CACNA2D1: variants seen among roughly 807,000 people sequenced by gnomAD.
The protein encoded by CACNA2D1 is voltage-dependent calcium channel subunit alpha-2/delta-1.
CACNA2D1 carries 53 observed loss-of-function variants against 171.5 expected under a neutral mutation model. The ratio of observed to expected loss-of-function variants is 0.31; its 90% CI spans 0.25 to 0.39. CACNA2D1 has a LOEUF of 0.39. Among genes scored for constraint, CACNA2D1 ranks in the 10% least tolerant of loss-of-function variants. The pLI is 1.00. For missense variants in CACNA2D1, 903 were observed against 1,299.8 expected (o/e 0.69, Z 4.69); for synonymous variants, 442 against 443.1 (o/e 1.00, Z 0.03).
At chr7:82,068,366 C>T (rs376317964) in intron 7 of CACNA2D1, among the ~76,000 whole-genome samples, 62 of 152,246 alleles carry the variant, frequency 4.1e-4, no homozygotes, top group African/African-American at 1.5e-3. Flanking sequence ...GACTTCTCCA[C>T]CTTGGTGGGC....
At chr7:81,970,110 A>G (rs1367490280) in intron 27 of CACNA2D1, 126 bp from the exon 28 acceptor site, 2 of 697,284 alleles carry the variant, frequency 2.9e-6, no homozygotes. Context: ...AGTTAGTGGT[A>G]ATTGATAGCA....
At chr7:82,090,784 G>C (rs1253714933) in intron 6 of CACNA2D1, among the ~76,000 whole-genome samples, 1 of 151,762 alleles carries the variant, frequency 6.6e-6, no homozygotes, top group Non-Finnish European at 1.5e-5. Flanking sequence ...TTTAATTTTT[G>C]GACAATCATA....
intron 3 of CACNA2D1, among the ~76,000 whole-genome samples, chr7:82,313,262 T>C (rs536462675): frequency 1.5e-3 from 232 of 152,246 alleles, no homozygotes; most frequent in Middle Eastern, 3.4e-3. Flanking sequence ...AGTGGGAGAC[T>C]AAAGGAAACC....
chr7:82,131,436 C>A (rs560482673), intron 5 of CACNA2D1, among the ~76,000 whole-genome samples: 1 of 152,264 alleles, frequency 6.6e-6, no homozygotes, highest in African/African-American at 2.4e-5. Flanking sequence ...TAAATACTGC[C>A]TGGCCATGTT....
intron 2 of CACNA2D1, among the ~76,000 whole-genome samples, chr7:82,347,353 A>C (rs921596356): frequency 1.3e-5 from 2 of 152,168 alleles, no homozygotes; most frequent in African/African-American, 4.8e-5. Flanking sequence ...ATCACCAAAA[A>C]TATATTACTT....
At chr7:82,360,600 T>C (rs1820985470) in intron 1 of CACNA2D1, among the ~76,000 whole-genome samples, 1 of 152,162 alleles carries the variant, frequency 6.6e-6, no homozygotes, top group Non-Finnish European at 1.5e-5. Flanking sequence ...TGACATACAA[T>C]AGCAGGTTAG....
At chr7:82,195,305 T>C (rs1180175534) in intron 3 of CACNA2D1, among the ~76,000 whole-genome samples, 1 of 151,874 alleles carries the variant, frequency 6.6e-6, no homozygotes, top group African/African-American at 2.4e-5. Flanking sequence ...AGGTAACACT[T>C]CATGTAAAAT....
At chr7:82,143,301 A>T (rs967261812) in intron 4 of CACNA2D1, among the ~76,000 whole-genome samples, 10 of 152,182 alleles carry the variant, frequency 6.6e-5, no homozygotes, top group Admixed American at 3.3e-4. Flanking sequence ...AGAGACAATA[A>T]GATAATTGAT....
At chr7:82,070,169 A>G (rs1293038110) in intron 7 of CACNA2D1, among the ~76,000 whole-genome samples, 1 of 152,182 alleles carries the variant, frequency 6.6e-6, no homozygotes, top group African/African-American at 2.4e-5. Flanking sequence ...AATTTGCACC[A>G]TGGCTCCAAT....
intron 1 of CACNA2D1, among the ~76,000 whole-genome samples, chr7:82,417,360 C>T (rs1375087963): frequency 1.3e-5 from 2 of 152,168 alleles, no homozygotes; most frequent in Admixed American, 1.3e-4. Flanking sequence ...TACATAATTA[C>T]ACTTCCTGCT....
At chr7:82,372,028 T>G (rs188779290) in intron 1 of CACNA2D1, among the ~76,000 whole-genome samples, 75 of 152,314 alleles carry the variant, frequency 4.9e-4, no homozygotes, top group African/African-American at 1.6e-3. Flanking sequence ...TTTAAAAGAC[T>G]ATAGGCCTAG....
At chr7:82,276,040 C>T (rs115292498) in intron 3 of CACNA2D1, among the ~76,000 whole-genome samples, 2 of 152,126 alleles carry the variant, frequency 1.3e-5, no homozygotes, top group Admixed American at 6.6e-5. Flanking sequence ...TAGGCAGGTA[C>T]TTTTCCTATC....
At chr7:82,375,163 A>G (rs927658831) in intron 1 of CACNA2D1, among the ~76,000 whole-genome samples, 1 of 152,146 alleles carries the variant, frequency 6.6e-6, no homozygotes, top group Admixed American at 6.5e-5. Flanking sequence ...ACAACTTTCA[A>G]ACAGAATGTC....
At chr7:82,040,969 C>A (rs1195766403) in intron 10 of CACNA2D1, among the ~76,000 whole-genome samples, 1 of 151,666 alleles carries the variant, frequency 6.6e-6, no homozygotes, top group Non-Finnish European at 1.5e-5. Flanking sequence ...GAGCGAAACT[C>A]CATCTCAGAA....
At chr7:82,010,558 ACT>A (rs1799666098) in intron 15 of CACNA2D1, among the ~76,000 whole-genome samples, 1 of 152,066 alleles carries the variant, frequency 6.6e-6, no homozygotes, top group South Asian at 2.1e-4. Context: ...CCTATCATAC[ACT>A]GTCCTGTGAT....
At chr7:82,284,704 G>T (rs972559576) in intron 3 of CACNA2D1, among the ~76,000 whole-genome samples, 2 of 152,128 alleles carry the variant, frequency 1.3e-5, no homozygotes, top group Non-Finnish European at 2.9e-5. Flanking sequence ...GGAGAGCAGA[G>T]CCCTCATGAC....
chr7:82,170,005 G>A (rs746091926), intron 4 of CACNA2D1, among the ~76,000 whole-genome samples: 16 of 151,416 alleles, frequency 1.1e-4, no homozygotes, highest in African/African-American at 1.7e-4. Flanking sequence ...ACATGCAACC[G>A]CTAATGTCAG....
intron 4 of CACNA2D1, among the ~76,000 whole-genome samples, chr7:82,142,958 T>A (rs1792569877): frequency 6.6e-6 from 1 of 152,134 alleles, no homozygotes; most frequent in African/African-American, 2.4e-5. Context: ...TCAACTGTTG[T>A]ACCTGGGATG....
chr7:82,186,498 G>A (rs1238719071), intron 3 of CACNA2D1, among the ~76,000 whole-genome samples: 7 of 152,254 alleles, frequency 4.6e-5, no homozygotes, highest in African/African-American at 1.2e-4. Flanking sequence ...AGGTTGCAGG[G>A]TATTTACTTC....
Sources: gnomAD v4.1 joint callset for allele counts (sites outside exome capture counted in the v4.1 genomes callset) on GRCh38, gnomAD v4.1.1 for gene constraint, MANE v1.5 for transcripts, NCBI Gene and HGNC (gene_info 2026-07-23, HGNC 2026-07-21) for gene names.